The following NALF1 variants were observed in gnomAD, a reference collection of about 807,000 sequenced individuals.
NALF1 encodes the protein family with sequence similarity 155 member A.
Under a neutral mutation model 48.4 loss-of-function variants are expected in NALF1, and 3 were observed. That is an observed-to-expected ratio of 0.06 (90% CI 0.03 to 0.16). The LOEUF is 0.16. Among genes scored for constraint, NALF1 ranks in the 10% least tolerant of loss-of-function variants. The probability of loss-of-function intolerance (pLI) is 1.00; values close to 1 mark genes in which losing one functional copy is unlikely to be tolerated. For synonymous variants in NALF1, 262 were observed against 245.7 expected, an observed-to-expected ratio of 1.07 and a Z score of -0.62; for missense variants, 526 against 571.5, an observed-to-expected ratio of 0.92 and a Z score of 0.81.
intron 1 of NALF1, among the ~76,000 whole-genome samples, chr13:107,791,324 A>T (rs936324511): frequency 2.0e-5 from 3 of 152,154 alleles, no homozygotes; most frequent in African/African-American, 7.2e-5. Flanking sequence ...ATTTTTCAAA[A>T]AGACAAAAAC....
At chr13:107,673,117 C>T (rs929325177) in intron 1 of NALF1, among the ~76,000 whole-genome samples, 1 of 152,112 alleles carries the variant, frequency 6.6e-6, no homozygotes, top group Non-Finnish European at 1.5e-5. Context: ...TGTATGGGTG[C>T]GGCTGCATGT....
intron 1 of NALF1, among the ~76,000 whole-genome samples, chr13:107,634,343 C>T (rs957978821): frequency 6.6e-6 from 1 of 151,938 alleles, no homozygotes; most frequent in African/African-American, 2.4e-5. Context: ...GTGATGGATA[C>T]CCTAAAGCCC....
At chr13:107,522,946 C>G (rs1409973596) in intron 1 of NALF1, among the ~76,000 whole-genome samples, 1 of 151,870 alleles carries the variant, frequency 6.6e-6, no homozygotes, top group African/African-American at 2.4e-5. Flanking sequence ...GGAAGTTCTG[C>G]AAAAATGACA....
intron 1 of NALF1, among the ~76,000 whole-genome samples, chr13:107,237,805 A>G (rs1463892607): frequency 6.6e-6 from 1 of 152,204 alleles, no homozygotes; most frequent in Non-Finnish European, 1.5e-5. Flanking sequence ...TTAATATTAT[A>G]TGCATATATG....
chr13:107,467,728 T>C (rs113528568), intron 1 of NALF1, among the ~76,000 whole-genome samples: 1 of 152,164 alleles, frequency 6.6e-6, no homozygotes, highest in Non-Finnish European at 1.5e-5. Context: ...AAAATTCTTA[T>C]ACGATTTACA....
intron 1 of NALF1, among the ~76,000 whole-genome samples, chr13:107,512,325 C>T (rs775702650): frequency 3.3e-5 from 5 of 152,054 alleles, no homozygotes; most frequent in Admixed American, 6.6e-5. Flanking sequence ...ACCTGGGAGG[C>T]GGAGGTTGCA....
At chr13:107,668,047 T>C (rs1880905048) in intron 1 of NALF1, among the ~76,000 whole-genome samples, 1 of 152,130 alleles carries the variant, frequency 6.6e-6, no homozygotes, top group Non-Finnish European at 1.5e-5. Context: ...TAAGTAGAAA[T>C]GATGTGTCCC....
At chr13:107,375,046 CA>C (rs1349337622) in intron 1 of NALF1, among the ~76,000 whole-genome samples, 5 of 152,092 alleles carry the variant, frequency 3.3e-5, no homozygotes, top group African/African-American at 1.2e-4. Context: ...ATAAACTGCT[CA>C]ATTATATTTT....
At position 107,800,743 on chromosome 13, in the gene NALF1, GATATA is replaced by G. The variant is rs543122612; in HGVS notation, c.915+64934_915+64938del. On this transcript the variant is annotated intron_variant, in intron 1 of 2. Transcript: ENST00000375915. The stretch of plus-strand genomic sequence containing the variant: ...AAGATGTTATAATTATATAATATAT[GATATA>G]ATATATAATACAGTGTATAATATAG... Among the ~76,000 whole-genome samples the G allele has an allele frequency of 5.1e-4, 75 of 146,996 alleles. 1 individual carries two copies. In the South Asian group the frequency reaches 5.5e-3, roughly 11 times the overall value.
rs781179392 is a variant in NALF1 at position 107,404,064 on chromosome 13, A to C, written c.916-193309T>G. 5.6e-4 allele frequency among the ~76,000 whole-genome samples: 85 copies of C among 152,160 alleles called. 1 individual carries two copies. The highest frequency in any genetic ancestry group is 2.5e-4 in the Non-Finnish European group (17 of 68,014). On this transcript the variant is annotated intron_variant, in intron 1 of 2. Coordinates refer to ENST00000375915, the MANE Select transcript of NALF1 (RefSeq NM_001080396.3). ...AGTTACAGATCTTTCTATAAGGCAC[A>C]GATAATGAAAGTATAAACATTGTCA... is the stretch of plus-strand genomic sequence containing the variant.
At chr13:107,261,967 T>C (rs924027481) in intron 1 of NALF1, among the ~76,000 whole-genome samples, 1 of 152,198 alleles carries the variant, frequency 6.6e-6, no homozygotes, top group Non-Finnish European at 1.5e-5. Context: ...TATCCAGGTA[T>C]GGAAATATAT....
chr13:107,576,552 G>C (rs190809682), intron 1 of NALF1, among the ~76,000 whole-genome samples: 67 of 152,280 alleles, frequency 4.4e-4, no homozygotes, highest in Non-Finnish European at 8.2e-4. Context: ...TACCACTCTT[G>C]TGATAGGCTA....
intron 1 of NALF1, among the ~76,000 whole-genome samples, chr13:107,367,348 A>G (rs911846562): frequency 3.3e-5 from 5 of 152,142 alleles, no homozygotes; most frequent in African/African-American, 9.7e-5. Flanking sequence ...ATTACTGAGT[A>G]TGTGCAGGTT....
At chr13:107,447,531 A>G (rs941964092) in intron 1 of NALF1, among the ~76,000 whole-genome samples, 1 of 152,176 alleles carries the variant, frequency 6.6e-6, no homozygotes, top group African/African-American at 2.4e-5. Context: ...ACTGAGCTTT[A>G]CCAATATGCT....
intron 1 of NALF1, among the ~76,000 whole-genome samples, chr13:107,510,093 G>C (rs1875836125): frequency 6.6e-6 from 1 of 152,136 alleles, no homozygotes; most frequent in African/African-American, 2.4e-5. Flanking sequence ...ACAGGTGTGA[G>C]CCACAGCATT....
chr13:107,216,579 T>C (rs1879877445), intron 1 of NALF1, among the ~76,000 whole-genome samples: 1 of 152,210 alleles, frequency 6.6e-6, no homozygotes, highest in Non-Finnish European at 1.5e-5. Context: ...TTTCCTGAAG[T>C]AAAACGCAAA....
At chr13:107,690,775 G>T (rs1404749480) in intron 1 of NALF1, among the ~76,000 whole-genome samples, 1 of 152,212 alleles carries the variant, frequency 6.6e-6, no homozygotes, top group African/African-American at 2.4e-5. Context: ...GATGAAGAAA[G>T]AATGAGGGAA....
At chr13:107,756,576 A>G (rs918936783) in intron 1 of NALF1, among the ~76,000 whole-genome samples, 4 of 152,004 alleles carry the variant, frequency 2.6e-5, no homozygotes, top group Non-Finnish European at 5.9e-5. Context: ...TATTGTTACG[A>G]CTGTCATTTT....
At chr13:107,316,618 T>C (rs9520377) in intron 1 of NALF1, among the ~76,000 whole-genome samples, 20,166 of 152,194 alleles carry the variant, frequency 0.13, 1,582 homozygotes, top group East Asian at 0.24. Context: ...TATCTCATTG[T>C]GGTTTTGATT....
Sources: allele counts gnomAD v4.1 joint callset (sites outside exome capture counted in the v4.1 genomes callset), GRCh38; gene constraint gnomAD v4.1.1; transcripts MANE v1.5; gene names NCBI Gene and HGNC (gene_info 2026-07-23, HGNC 2026-07-21).